Variants in LUC7L2 observed in about 807,000 individuals in gnomAD.
The protein encoded by LUC7L2 is putative RNA-binding protein Luc7-like 2.
In LUC7L2, 25 loss-of-function variants were observed where a neutral mutation model predicts 52.8. The ratio of observed to expected loss-of-function variants is 0.47; its 90% confidence interval spans 0.34 to 0.66. The LOEUF is 0.66. Ranked by LOEUF, LUC7L2 falls within the 30% of genes least tolerant of loss-of-function variation. The pLI is 0.01. For missense variants in LUC7L2, 328 were observed against 497.8 expected (o/e 0.66, Z 3.25); for synonymous variants, 144 against 160.9 (o/e 0.89, Z 0.80).
chr7:139,363,308 A>G, intron 1 of LUC7L2: 9 of 895,476 alleles, frequency 1.0e-5, no homozygotes, highest in Non-Finnish European at 1.2e-5. Context: ...TATGTGAATC[A>G]GTGTAACTCA....
At chr7:139,352,783 A>G (rs1799494623) in intron 1 of LUC7L2, among the ~76,000 whole-genome samples, 1 of 152,238 alleles carries the variant, frequency 6.6e-6, no homozygotes, top group African/African-American at 2.4e-5. Flanking sequence ...TGTGGTGGGA[A>G]AAGAAATCTG....
In LUC7L2 at chr7:139,374,776, C is replaced by T. The variant is rs143854100; in HGVS notation, c.62-1286C>T. 302 of 1,162,204 alleles carry T rather than the reference C, an allele frequency of 2.6e-4. 1 individual carries two copies. The African/African-American group carries it at 4.2e-3, about 16-fold the overall frequency. The allele number at this position is 1,162,204 out of a possible 1,614,324, so 72.0% of individuals were successfully genotyped here. A position where few individuals can be genotyped will look rare whatever the true frequency, so the allele number is the denominator to read the frequency against. On this transcript the variant is annotated intron_variant, in intron 1 of 9. Coordinates refer to ENST00000354926, the MANE Select transcript of LUC7L2 (RefSeq NM_016019.5). The stretch of plus-strand genomic sequence containing the variant: ...CACGTTAAAACAATTTGAACAAAAT[C>T]TTACCCCATCTAAAAATGATAGTGT...
At chr7:139,385,351 C>G (rs987251104) in intron 2 of LUC7L2, among the ~76,000 whole-genome samples, 8 of 120,106 alleles carry the variant, frequency 6.7e-5, no homozygotes, top group Admixed American at 4.2e-4. Context: ...GAAACAGGTT[C>G]TCATTCTGGC....
intron 6 of LUC7L2, among the ~76,000 whole-genome samples, chr7:139,408,593 T>C (rs964280799): frequency 6.6e-5 from 10 of 152,096 alleles, no homozygotes; most frequent in Non-Finnish European, 1.2e-4. Context: ...CCTGTAATCC[T>C]AGCACTTTGG....
At chr7:139,374,827 T>C (rs746825793) in intron 1 of LUC7L2, 55 of 1,075,588 alleles carry the variant, frequency 5.1e-5, no homozygotes, top group Non-Finnish European at 6.1e-5. Flanking sequence ...TTAAGCTCTT[T>C]AGTATATGAC....
chr7:139,344,547 A>G (rs924499018), intron 1 of LUC7L2, among the ~76,000 whole-genome samples: 1 of 152,146 alleles, frequency 6.6e-6, no homozygotes, highest in Admixed American at 6.5e-5. Context: ...AGTTGATTGA[A>G]TCCAAAGATG....
chr7:139,376,020 A>T (rs1419586511), intron 1 of LUC7L2, 42 bp from the exon 2 acceptor site: 2 of 1,605,134 alleles, frequency 1.2e-6, no homozygotes, highest in Non-Finnish European at 1.7e-6. Flanking sequence ...AATACTTTCC[A>T]GTTGTCTAAC....
intron 1 of LUC7L2, among the ~76,000 whole-genome samples, chr7:139,341,718 G>T (rs769410289): frequency 8.9e-5 from 13 of 146,076 alleles, no homozygotes; most frequent in Middle Eastern, 3.5e-3. Flanking sequence ...AGGACCAGCG[G>T]GGGGGGGCGC....
rs748312014 is a variant in LUC7L2 at position 139,374,512 on chromosome 7, G to C, written c.62-1550G>C. 9.7e-6 allele frequency: 15 copies of C among 1,549,094 alleles called. No individual in the cohort carries two copies. In the South Asian group the frequency reaches 1.7e-4, roughly 17 times the overall value. Reference sequence around the variant, plus strand: ...CTTTTCAGATGTGTTAATGAATGTGGAACAAAAGCAGTTGTGTTTAAAAGG... The same window carrying C: ...CTTTTCAGATGTGTTAATGAATGTGCAACAAAAGCAGTTGTGTTTAAAAGG... On this transcript the variant is annotated intron_variant, in intron 1 of 9. Coordinates refer to ENST00000354926, the MANE Select transcript of LUC7L2 (RefSeq NM_016019.5).
chr7:139,341,584 C>A, intron 1 of LUC7L2: 1 of 1,581,512 alleles, frequency 6.3e-7, no homozygotes, highest in Non-Finnish European at 8.6e-7. Flanking sequence ...CGGGTCTGGG[C>A]TAGGGTGGGG....
upstream of LUC7L2, among the ~76,000 whole-genome samples, chr7:139,358,763 C>T (rs1450000724): frequency 6.6e-6 from 1 of 152,172 alleles, no homozygotes; most frequent in Non-Finnish European, 1.5e-5. Context: ...CGACTCACTG[C>T]AACCTCCGTC....
chr7:139,397,370 C>T (rs543031898), intron 2 of LUC7L2, among the ~76,000 whole-genome samples: 12 of 152,312 alleles, frequency 7.9e-5, no homozygotes, highest in Admixed American at 2.0e-4. Context: ...TATTTTATTA[C>T]ATCATCTGAC....
intron 5 of LUC7L2, 152 bp from the exon 6 acceptor site, chr7:139,407,022 T>TTTTTTGG: frequency 3.1e-6 from 1 of 319,778 alleles, no homozygotes; most frequent in Non-Finnish European, 5.1e-6. Context: ...TTTTTTTTTT[T>TTTTTTGG]GAGCTGGAGT....
rs764885864 is a variant in LUC7L2 at position 139,360,309 on chromosome 7, C to G, written c.48C>G (p.Gly16=). 3 of 1,571,412 alleles carry G rather than the reference C, an allele frequency of 1.9e-6. No individual in the cohort carries two copies. Among genetic ancestry groups the G allele is most frequent in the Admixed American group, 3.7e-5 (2 of 54,306 alleles). ...GCGCGATGCTGGACCAGTTGATGGGCACCTCCCGGGACGGTAAGTCTCTGC... is the reference window on the plus strand; with the variant it reads ...GCGCGATGCTGGACCAGTTGATGGGGACCTCCCGGGACGGTAAGTCTCTGC... ...QMRAMLDQLM[G]TSRDGDTTRQ... Residue 16 remains glycine, a synonymous_variant, in exon 1 of 10, where the codon GGC becomes GGG. Coordinates refer to ENST00000354926, the MANE Select transcript of LUC7L2 (RefSeq NM_016019.5).
intron 6 of LUC7L2, among the ~76,000 whole-genome samples, chr7:139,408,132 A>G (rs1795200086): frequency 2.0e-5 from 3 of 152,216 alleles, no homozygotes; most frequent in Non-Finnish European, 2.9e-5. Context: ...GGTCCATAGC[A>G]TTTAAAATAA....
intron 1 of LUC7L2, chr7:139,374,318 A>T: frequency 1.0e-6 from 1 of 964,488 alleles, no homozygotes; most frequent in Non-Finnish European, 1.6e-6. Flanking sequence ...GTCAACATGT[A>T]CTTCTAGATG....
At chr7:139,361,317 C>A (rs1569367008) in intron 1 of LUC7L2, among the ~76,000 whole-genome samples, 2 of 152,140 alleles carry the variant, frequency 1.3e-5, no homozygotes, top group African/African-American at 4.8e-5. Flanking sequence ...CAGATAGTTT[C>A]TTAGCCACTA....
intron 9 of LUC7L2, among the ~76,000 whole-genome samples, chr7:139,421,217 T>C (rs756120187): frequency 1.3e-5 from 2 of 152,260 alleles, no homozygotes; most frequent in Admixed American, 6.5e-5. Flanking sequence ...TGAACAGTCA[T>C]ATTTTTTATT....
chr7:139,375,521 A>G, intron 1 of LUC7L2: 1 of 985,604 alleles, frequency 1.0e-6, no homozygotes, highest in Non-Finnish European at 1.2e-6. Flanking sequence ...AAAGGGAGAC[A>G]CTTCAGCTGG....
Sources: allele counts gnomAD v4.1 joint callset (sites outside exome capture counted in the v4.1 genomes callset), GRCh38; gene constraint gnomAD v4.1.1; transcripts MANE v1.5; gene names NCBI Gene and HGNC (gene_info 2026-07-23, HGNC 2026-07-21).